The following KIF1B variants were observed in gnomAD, a reference collection of about 807,000 sequenced individuals.
The protein encoded by KIF1B is kinesin family member 1B, also known as kinesin-like protein KIF1B.
Under a neutral mutation model 241.9 loss-of-function variants are expected in KIF1B, and 76 were observed. The observed-to-expected ratio is 0.31, with a 90% CI of 0.26 to 0.38. The LOEUF (loss-of-function observed/expected upper bound fraction) is 0.38. KIF1B is among the 10% of genes least tolerant of loss of function. KIF1B has a pLI of 1.00. For missense variants in KIF1B, 1,622 were observed against 2,271.4 expected (o/e 0.71, Z 5.81); for synonymous variants, 750 against 796.7 (o/e 0.94, Z 0.99).
At chr1:10,274,985 G>T (rs887009754) in intron 10 of KIF1B, 2 of 343,932 alleles carry the variant, frequency 5.8e-6, no homozygotes, top group Non-Finnish European at 1.1e-5. Flanking sequence ...TTAATTTTTT[G>T]AATTTGGTCA....
chr1:10,308,575 T>C, intron 22 of KIF1B: 1 of 1,017,254 alleles, frequency 9.8e-7, no homozygotes, highest in Non-Finnish European at 1.2e-6. Flanking sequence ...CCTCATTCAA[T>C]AAAAGTTGAA....
chr1:10,343,954 A>G (rs1227285555), intron 34 of KIF1B, among the ~76,000 whole-genome samples: 4 of 152,056 alleles, frequency 2.6e-5, no homozygotes, highest in Non-Finnish European at 5.9e-5. Flanking sequence ...TAGTAAATTT[A>G]TTCTGTATGT....
rs765851262 is a variant in KIF1B, at chr1:10,232,421, A to G, written c.93A>G (p.Gln31=). 5 of 1,609,054 alleles carry G rather than the reference A, an allele frequency of 3.1e-6. No homozygotes were observed. The Admixed American group carries it at 8.3e-5, about 27-fold the overall frequency. Residue 31 remains glutamine (Q), a synonymous_variant, in exon 2 of 49, where the codon CAA becomes CAG. Transcript: ENST00000676179. ...AATCCAAATGCATCATTCAGATGCAAGGCAACTCGACCAGTGAGTACATGT... is the reference window on the plus strand; with the variant it reads ...AATCCAAATGCATCATTCAGATGCAGGGCAACTCGACCAGTGAGTACATGT... ...SKESKCIIQM[Q]GNSTSIINPK...
At position 10,254,624 on chromosome 1, in the gene KIF1B, C is replaced by T. The variant is rs535762134; in HGVS notation, c.107-1623C>T. Among the ~76,000 whole-genome samples the T allele has an allele frequency of 2.2e-3, 340 of 152,152 alleles. 1 individual carries two copies. Among genetic ancestry groups the T allele is most frequent in the Non-Finnish European group, 3.8e-3 (257 of 68,002 alleles). On this transcript the variant is annotated intron_variant, in intron 2 of 48. Transcript: ENST00000676179. ...AGGCGCGGTGGCTCACGCTTGTAAT[C>T]CCAGCACTTTGGGAGGCCGAGGCGG... is the stretch of plus-strand genomic sequence containing the variant.
At chr1:10,264,747 C>T (rs1312200889) in intron 5 of KIF1B, among the ~76,000 whole-genome samples, 4 of 151,484 alleles carry the variant, frequency 2.6e-5, no homozygotes, top group Non-Finnish European at 5.9e-5. Flanking sequence ...CTTCAACCTC[C>T]GCCTCCCAGG....
rs755631245 is a variant in KIF1B at position 10,295,782 on chromosome 1, T to A, written c.1777+16T>A. 5.0e-6 allele frequency: 8 copies of A among 1,591,940 alleles called. No homozygotes were observed. The South Asian group carries it at 8.8e-5, about 18-fold the overall frequency. ...AGCGGGGAAGGTGAGCATTCCTGGCTGGAGCTTCAGCAACAACATTTTCAT... is the reference window on the plus strand; with the variant it reads ...AGCGGGGAAGGTGAGCATTCCTGGCAGGAGCTTCAGCAACAACATTTTCAT... On this transcript the variant is annotated intron_variant, in intron 19 of 48. Coordinates refer to ENST00000676179, the MANE Select transcript of KIF1B (RefSeq NM_001365951.3).
At position 10,247,727 on chromosome 1, in the gene KIF1B, G is replaced by C. The variant is rs751866751; in HGVS notation, c.107-8520G>C. On this transcript the variant is annotated intron_variant, in intron 2 of 48. Coordinates refer to ENST00000676179, the MANE Select transcript of KIF1B (RefSeq NM_001365951.3). ...TATTACATGCTTATAGATGGACCTAGGGTAATGTTGGATACTTAGAGTGGG... is the reference window on the plus strand; with the variant it reads ...TATTACATGCTTATAGATGGACCTACGGTAATGTTGGATACTTAGAGTGGG... Among the ~76,000 whole-genome samples the C allele has an allele frequency of 3.3e-5, 5 of 152,268 alleles. No individual in the cohort carries two copies. The Middle Eastern group carries it at 0.01, about 311-fold the overall frequency.
intron 17 of KIF1B, among the ~76,000 whole-genome samples, chr1:10,293,428 A>C: frequency 7.4e-6 from 1 of 135,038 alleles, no homozygotes; most frequent in Non-Finnish European, 1.5e-5. Context: ...ACAGAGTCTC[A>C]CTCTGTCGCC....
chr1:10,319,510 T>G (rs184162124), intron 22 of KIF1B, among the ~76,000 whole-genome samples: 13 of 152,326 alleles, frequency 8.5e-5, no homozygotes, highest in Admixed American at 7.2e-4. Flanking sequence ...TTTGGTTACC[T>G]GAAGGCTAAA....
chr1:10,326,495 TC>T lies in KIF1B; in HGVS notation c.2924+137del. 1 of 1,168,520 alleles carries T rather than the reference TC, an allele frequency of 8.6e-7. No homozygotes were observed. Among genetic ancestry groups the T allele is most frequent in the South Asian group, 1.3e-5 (1 of 79,624 alleles). 72.4% of individuals were successfully genotyped at this position (1,168,520 alleles called of 1,614,324 possible). A position where few individuals can be genotyped will look rare whatever the true frequency, so the allele number is the denominator to read the frequency against. ...GCTCTTTTTCAAGTTCTCCAATACTTCAAGCTCTTAGTCAGTGCTGGTCTGG... is the reference window on the plus strand; with the variant it reads ...GCTCTTTTTCAAGTTCTCCAATACTTAAGCTCTTAGTCAGTGCTGGTCTGG... On this transcript the variant is annotated intron_variant, in intron 27 of 48. Coordinates refer to ENST00000676179, the MANE Select transcript of KIF1B (RefSeq NM_001365951.3). The surrounding 1 kb of genome is among the most constrained non-coding windows in gnomAD (Gnocchi z 5.2).
At chr1:10,345,080 G>A (rs1652540044) in intron 34 of KIF1B, among the ~76,000 whole-genome samples, 1 of 152,096 alleles carries the variant, frequency 6.6e-6, no homozygotes, top group Non-Finnish European at 1.5e-5. Context: ...TTTGGTCTCA[G>A]CTACTCAGGA....
chr1:10,332,914 C>T (rs1227090021), intron 27 of KIF1B, among the ~76,000 whole-genome samples: 2 of 151,296 alleles, frequency 1.3e-5, no homozygotes, highest in Non-Finnish European at 2.9e-5. Flanking sequence ...CGGGTTCAAG[C>T]GATTCTCCTG....
At chr1:10,247,983 G>A (rs1047765901) in intron 2 of KIF1B, among the ~76,000 whole-genome samples, 4 of 152,098 alleles carry the variant, frequency 2.6e-5, no homozygotes, top group Non-Finnish European at 4.4e-5. Context: ...ATCTGATGCC[G>A]CCACTGATCT....
intron 22 of KIF1B, chr1:10,299,045 G>T (rs925578424): frequency 1.4e-5 from 2 of 141,748 alleles, no homozygotes; most frequent in East Asian, 2.0e-4. Flanking sequence ...AGGATGACAC[G>T]CAAATTCGTG....
chr1:10,287,263 C>G (rs1392401546), intron 15 of KIF1B, among the ~76,000 whole-genome samples: 1 of 152,194 alleles, frequency 6.6e-6, no homozygotes. Context: ...GTGGCACCAT[C>G]TTGGCTCAGT....
chr1:10,294,548 T>C (rs573666845), intron 17 of KIF1B, among the ~76,000 whole-genome samples: 28 of 152,282 alleles, frequency 1.8e-4, no homozygotes, highest in African/African-American at 6.0e-4. Context: ...AAATTAGGTC[T>C]TGTTTTTTTA....
chr1:10,261,827 A>G (rs1648162675), intron 4 of KIF1B, 78 bp from the exon 5 acceptor site: 1 of 863,508 alleles, frequency 1.2e-6, no homozygotes, highest in East Asian at 2.4e-5. Context: ...ACGTCTGGCT[A>G]ATTCATTGAG....
At chr1:10,292,230 G>A in intron 17 of KIF1B, 108 bp downstream of exon 17, 1 of 817,056 alleles carries the variant, frequency 1.2e-6, no homozygotes, top group Non-Finnish European at 2.1e-6. Context: ...TTATTATCTT[G>A]ATACTTGCCT....
intron 2 of KIF1B, among the ~76,000 whole-genome samples, chr1:10,241,372 A>G (rs533418940): frequency 1.7e-4 from 26 of 152,100 alleles, no homozygotes; most frequent in Admixed American, 6.5e-4. Flanking sequence ...CCAAAGTGCT[A>G]GGATTACACG....
Sources: gnomAD v4.1 joint callset for allele counts (sites outside exome capture counted in the v4.1 genomes callset) on GRCh38, gnomAD v4.1.1 for gene constraint, Gnocchi (gnomAD v3.1) non-coding constraint, MANE v1.5 for transcripts, NCBI Gene and HGNC (gene_info 2026-07-23, HGNC 2026-07-21) for gene names.